Variants in XKR6 observed in about 807,000 individuals in gnomAD.
The protein encoded by XKR6 is XK-related protein 6.
A neutral mutation model predicts 56.7 loss-of-function variants in XKR6; 22 were observed. The ratio of observed to expected loss-of-function variants is 0.39; its 90% CI spans 0.28 to 0.55. The LOEUF (loss-of-function observed/expected upper bound fraction) is 0.55, where lower values mean the gene tolerates loss of function less well. XKR6 is among the 20% of genes least tolerant of loss of function. The pLI, the probability that XKR6 is intolerant of heterozygous loss-of-function variation, is 0.66. For missense variants in XKR6, 852 were observed against 889.0 expected (o/e 0.96, Z 0.53); for synonymous variants, 524 against 387.8 (o/e 1.35, Z -4.13).
At position 10,897,896 on chromosome 8, in the gene XKR6, T is replaced by C. The variant is rs1285463046; in HGVS notation, c.*56A>G. On this transcript the variant is annotated 3_prime_UTR_variant, in exon 3 of 3. Coordinates refer to ENST00000416569, the MANE Select transcript of XKR6 (RefSeq NM_173683.4). ...AAGGGAGGGTTATATTTCTTGCAAGTGCTGTTTGCCGCAAACCAAACTTAA... is the reference window on the plus strand; with the variant it reads ...AAGGGAGGGTTATATTTCTTGCAAGCGCTGTTTGCCGCAAACCAAACTTAA... 1 of 1,515,024 alleles carries C rather than the reference T, an allele frequency of 6.6e-7. No individual in the cohort carries two copies. The highest frequency in any genetic ancestry group is 8.8e-7 in the Non-Finnish European group (1 of 1,133,078). The allele number at this position is 1,515,024 out of a possible 1,614,324, so 93.8% of individuals were successfully genotyped here.
intron 1 of XKR6, among the ~76,000 whole-genome samples, chr8:11,027,487 T>C (rs1175371036): frequency 6.6e-6 from 1 of 152,188 alleles, no homozygotes. Flanking sequence ...TTCATATTCG[T>C]TTCGTCATTT....
chr8:10,958,016 G>A (rs1169499459), intron 1 of XKR6, among the ~76,000 whole-genome samples: 2 of 152,178 alleles, frequency 1.3e-5, no homozygotes, highest in Admixed American at 6.5e-5. Flanking sequence ...AGAAACCCAC[G>A]TGATCTGGAA....
At chr8:10,954,527 TAGG>T (rs1801816841) in intron 1 of XKR6, among the ~76,000 whole-genome samples, 1 of 152,244 alleles carries the variant, frequency 6.6e-6, no homozygotes, top group Admixed American at 6.5e-5. Flanking sequence ...TATTATTGAG[TAGG>T]AGTTCTCTGT....
At chr8:10,949,105 G>C (rs1337833785) in intron 1 of XKR6, among the ~76,000 whole-genome samples, 2 of 152,252 alleles carry the variant, frequency 1.3e-5, no homozygotes, top group African/African-American at 4.8e-5. Context: ...CACCCTGGGA[G>C]TCCGGGGTGA....
intron 1 of XKR6, among the ~76,000 whole-genome samples, chr8:11,138,760 G>C (rs1277717025): frequency 3.3e-5 from 5 of 152,020 alleles, no homozygotes; most frequent in African/African-American, 1.2e-4. Context: ...ACAGCCAGAA[G>C]GACAGTTAAA....
At chr8:11,085,582 G>A (rs1270555175) in intron 1 of XKR6, among the ~76,000 whole-genome samples, 2 of 152,158 alleles carry the variant, frequency 1.3e-5, no homozygotes, top group Non-Finnish European at 2.9e-5. Context: ...GGCACTGCTG[G>A]ACGAGGAGGG....
At chr8:11,000,055 A>G (rs771657198) in intron 1 of XKR6, among the ~76,000 whole-genome samples, 1 of 152,220 alleles carries the variant, frequency 6.6e-6, no homozygotes, top group Non-Finnish European at 1.5e-5. Flanking sequence ...GGAGGGCTGA[A>G]GAACACCTAA....
intron 1 of XKR6, among the ~76,000 whole-genome samples, chr8:11,160,235 A>G (rs1201224741): frequency 6.6e-6 from 1 of 152,170 alleles, no homozygotes; most frequent in Non-Finnish European, 1.5e-5. Context: ...TTTCAGCCAG[A>G]TAAGTAGGGA....
intron 1 of XKR6, among the ~76,000 whole-genome samples, chr8:10,953,387 C>T (rs989906308): frequency 6.6e-6 from 1 of 152,096 alleles, no homozygotes; most frequent in African/African-American, 2.4e-5. Flanking sequence ...GATGCCTGCT[C>T]CCCCTTGGCC....
At chr8:11,085,707 A>G (rs1459075277) in intron 1 of XKR6, among the ~76,000 whole-genome samples, 1 of 152,120 alleles carries the variant, frequency 6.6e-6, no homozygotes. Context: ...CAGGCCTCCC[A>G]CAGGCCTCTC....
chr8:11,088,642 A>T (rs763894489), intron 1 of XKR6, among the ~76,000 whole-genome samples: 6 of 152,200 alleles, frequency 3.9e-5, no homozygotes, highest in Non-Finnish European at 5.9e-5. Flanking sequence ...TCAGCTAAAG[A>T]CACTAAATAT....
intron 1 of XKR6, among the ~76,000 whole-genome samples, chr8:10,967,719 C>T (rs1802268409): frequency 6.6e-6 from 1 of 152,210 alleles, no homozygotes; most frequent in South Asian, 2.1e-4. Flanking sequence ...CTGCATTCAG[C>T]AGCAAGAAAG....
At chr8:11,070,992 C>T (rs1488864302) in intron 1 of XKR6, among the ~76,000 whole-genome samples, 3 of 152,242 alleles carry the variant, frequency 2.0e-5, no homozygotes, top group African/African-American at 7.2e-5. Flanking sequence ...GCTACATAGT[C>T]ACTGGCACAC....
chr8:11,018,885 C>A (rs1316150202), intron 1 of XKR6, among the ~76,000 whole-genome samples: 1 of 152,158 alleles, frequency 6.6e-6, no homozygotes, highest in Non-Finnish European at 1.5e-5. Flanking sequence ...CATGCCATAC[C>A]CTCAGCAGAC....
intron 1 of XKR6, among the ~76,000 whole-genome samples, chr8:11,098,965 G>C (rs1798364567): frequency 6.6e-6 from 1 of 152,144 alleles, no homozygotes; most frequent in Non-Finnish European, 1.5e-5. Context: ...ACATAGAAAG[G>C]GGTATTAATA....
chr8:11,089,818 A>G (rs896347416), intron 1 of XKR6, among the ~76,000 whole-genome samples: 1 of 152,162 alleles, frequency 6.6e-6, no homozygotes, highest in African/African-American at 2.4e-5. Flanking sequence ...CCCTTCCTGG[A>G]GGAGCCGCTA....
At chr8:11,165,022 G>T (rs1802000572) in intron 1 of XKR6, among the ~76,000 whole-genome samples, 1 of 145,396 alleles carries the variant, frequency 6.9e-6, no homozygotes, top group Non-Finnish European at 1.5e-5. Flanking sequence ...GATACGCCTT[G>T]AATCCAAGAA....
At chr8:11,184,388 TACACACAC>T (rs6150466) in intron 1 of XKR6, among the ~76,000 whole-genome samples, 56 of 146,240 alleles carry the variant, frequency 3.8e-4, no homozygotes, top group African/African-American at 1.1e-3. Flanking sequence ...TATACACACA[TACACACAC>T]ACACACACAC....
At chr8:11,173,383 A>ACACG (rs1554478615) in intron 1 of XKR6, among the ~76,000 whole-genome samples, 181 of 149,538 alleles carry the variant, frequency 1.2e-3, no homozygotes, top group African/African-American at 4.3e-3. Context: ...ACACACACAC[A>ACACG]CACAAATATA....
Sources: allele counts gnomAD v4.1 joint callset (sites outside exome capture counted in the v4.1 genomes callset), GRCh38; gene constraint gnomAD v4.1.1; transcripts MANE v1.5; gene names NCBI Gene and HGNC (gene_info 2026-07-23, HGNC 2026-07-21).